FA2H: variants seen among roughly 807,000 people sequenced by gnomAD.
FA2H encodes fatty acid alpha-hydroxylase.
FA2H carries 22 observed loss-of-function variants against 44.9 expected under a neutral mutation model. The observed-to-expected ratio is 0.49, with a 90% CI of 0.35 to 0.70. The LOEUF is 0.70. FA2H is among the 30% of genes least tolerant of loss of function. The pLI is 0.01. For synonymous variants in FA2H, 243 were observed against 213.2 expected (o/e 1.14, Z -1.22); for missense variants, 501 against 504.9 (o/e 0.99, Z 0.07).
At chr16:74,773,732 C>T (rs754624474) in intron 1 of FA2H, among the ~76,000 whole-genome samples, 1 of 152,208 alleles carries the variant, frequency 6.6e-6, no homozygotes, top group Non-Finnish European at 1.5e-5. Flanking sequence ...ATAACAAAAC[C>T]TGCCCCAGGT....
intron 1 of FA2H, among the ~76,000 whole-genome samples, chr16:74,763,387 A>G (rs1962747804): frequency 6.6e-6 from 1 of 152,014 alleles, no homozygotes; most frequent in Admixed American, 6.5e-5. Flanking sequence ...CCTTCCGAGT[A>G]ACTGGGATTA....
intron 2 of FA2H, among the ~76,000 whole-genome samples, chr16:74,734,026 G>T (rs945255703): frequency 6.6e-6 from 1 of 152,082 alleles, no homozygotes; most frequent in African/African-American, 2.4e-5. Context: ...CTACCTGACC[G>T]AAGACCCCTC....
intron 1 of FA2H, among the ~76,000 whole-genome samples, chr16:74,762,304 A>G (rs1345566885): frequency 3.3e-5 from 5 of 152,098 alleles, no homozygotes; most frequent in East Asian, 1.9e-4. Flanking sequence ...CGGCCTCCCA[A>G]AGTGTTGGGA....
chr16:74,771,589 C>T (rs1271588629), intron 1 of FA2H, among the ~76,000 whole-genome samples: 1 of 151,964 alleles, frequency 6.6e-6, no homozygotes, highest in Non-Finnish European at 1.5e-5. Flanking sequence ...ACCCGCCTTA[C>T]CCTCCCAAAT....
intron 1 of FA2H, among the ~76,000 whole-genome samples, chr16:74,748,704 C>T (rs1209922856): frequency 6.6e-6 from 1 of 151,944 alleles, no homozygotes; most frequent in Non-Finnish European, 1.5e-5. Context: ...AGAAAGTCTG[C>T]GCTCTGCACC....
At chr16:74,772,982 C>T (rs546246816) in intron 1 of FA2H, among the ~76,000 whole-genome samples, 75 of 151,900 alleles carry the variant, frequency 4.9e-4, no homozygotes, top group Admixed American at 2.9e-3. Context: ...CTCAGGTGAT[C>T]CTCCCACCTT....
intron 1 of FA2H, among the ~76,000 whole-genome samples, chr16:74,759,098 C>T (rs1962663204): frequency 6.6e-6 from 1 of 152,218 alleles, no homozygotes; most frequent in African/African-American, 2.4e-5. Context: ...GACATCTAGT[C>T]TGGGACATTC....
intron 2 of FA2H, among the ~76,000 whole-genome samples, chr16:74,738,932 C>T (rs906775213): frequency 1.3e-5 from 2 of 152,234 alleles, no homozygotes; most frequent in African/African-American, 4.8e-5. Context: ...CAACTTCCTT[C>T]GGCCTCTCTG....
intron 1 of FA2H, among the ~76,000 whole-genome samples, chr16:74,758,783 TA>T (rs1390407834): frequency 6.6e-6 from 1 of 152,064 alleles, no homozygotes; most frequent in African/African-American, 2.4e-5. Flanking sequence ...AAAAATAATT[TA>T]AAAAAATGCA....
At chr16:74,766,253 C>T (rs1439262679) in intron 1 of FA2H, among the ~76,000 whole-genome samples, 1 of 151,590 alleles carries the variant, frequency 6.6e-6, no homozygotes, top group African/African-American at 2.4e-5. Flanking sequence ...GAGCTGAGAT[C>T]GTGCCACTGC....
intron 2 of FA2H, among the ~76,000 whole-genome samples, chr16:74,732,907 C>G (rs953266397): frequency 6.6e-6 from 1 of 152,224 alleles, no homozygotes; most frequent in African/African-American, 2.4e-5. Context: ...GATGTGTTTA[C>G]AGGTGTGGTG....
chr16:74,751,126 G>A lies in FA2H; in HGVS notation c.271-11011C>T, dbSNP rs1372004769. Among the ~76,000 whole-genome samples the A allele has an allele frequency of 8.6e-5, 13 of 151,622 alleles. No homozygotes were observed. In the East Asian group the frequency reaches 1.4e-3, roughly 16 times the overall value. ...TGTTTGTTTTTTGAGACAGAGTCTC[G>A]CTCTGTCACCCAGGCCAGAGTGTAG... On this transcript the variant is annotated intron_variant, in intron 1 of 6. Transcript: ENST00000219368.
intron 4 of FA2H, among the ~76,000 whole-genome samples, chr16:74,723,801 G>A (rs1411985849): frequency 6.6e-6 from 1 of 152,162 alleles, no homozygotes; most frequent in Non-Finnish European, 1.5e-5. Context: ...TTTCCTCAGG[G>A]AAACACCCTA....
At position 74,729,116 on chromosome 16, in the gene FA2H, T is replaced by C. The variant is rs562070643; in HGVS notation, c.364-1730A>G. On this transcript the variant is annotated intron_variant, in intron 2 of 6. Coordinates refer to ENST00000219368, the MANE Select transcript of FA2H (RefSeq NM_024306.5). ...ACCTCCGCCTCCCGGGTTCAAGTGA[T>C]TCCCCTGCCTCAGCCTCCCAAGTAG... 5.5e-4 allele frequency among the ~76,000 whole-genome samples: 83 copies of C among 151,116 alleles called. 1 individual carries two copies. The highest frequency in any genetic ancestry group is 1.5e-3 in the South Asian group (7 of 4,798).
chr16:74,773,682 G>C (rs74599104), intron 1 of FA2H, among the ~76,000 whole-genome samples: 4,149 of 152,276 alleles, frequency 0.027, 188 homozygotes, highest in African/African-American at 0.094. Context: ...GCATTAATCA[G>C]AGCCTCCCTG....
chr16:74,723,518 T>C (rs1961884192), intron 4 of FA2H, among the ~76,000 whole-genome samples: 1 of 152,144 alleles, frequency 6.6e-6, no homozygotes, highest in Admixed American at 6.5e-5. Context: ...GCCAACCGTC[T>C]TCCTCCTTCT....
chr16:74,735,869 G>A, intron 2 of FA2H, among the ~76,000 whole-genome samples: 1 of 152,218 alleles, frequency 6.6e-6, no homozygotes, highest in East Asian at 1.9e-4. Flanking sequence ...TGTAGTCCCA[G>A]CTAATTAGGA....
In FA2H at chr16:74,714,544, C is replaced by T. The variant is rs948643246; in HGVS notation, c.1040-275G>A. 4.6e-5 allele frequency among the ~76,000 whole-genome samples: 7 copies of T among 152,034 alleles called. No individual in the cohort carries two copies. In the East Asian group the frequency reaches 7.8e-4, roughly 17 times the overall value. ...CCCTCCCACCCCCCACCTCCATCTC[C>T]TTCCCCTTCCTTGGGGCCCAAGTTC... On this transcript the variant is annotated intron_variant, in intron 6 of 6. Coordinates refer to ENST00000219368, the MANE Select transcript of FA2H (RefSeq NM_024306.5).
intron 2 of FA2H, among the ~76,000 whole-genome samples, chr16:74,732,211 T>G (rs1037824880): frequency 2.2e-4 from 33 of 152,078 alleles, no homozygotes; most frequent in African/African-American, 8.0e-4. Context: ...TATGTCCCAC[T>G]TTTGCATGTT....
Sources: gnomAD v4.1 joint callset for allele counts (sites outside exome capture counted in the v4.1 genomes callset) on GRCh38, gnomAD v4.1.1 for gene constraint, MANE v1.5 for transcripts, NCBI Gene and HGNC (gene_info 2026-07-23, HGNC 2026-07-21) for gene names.